Variants in SMARCA2 observed in about 807,000 individuals in gnomAD.
SMARCA2 encodes the protein SWI/SNF-related matrix-associated actin-dependent regulator of chromatin subfamily A member 2.
Under a neutral mutation model 199.8 loss-of-function variants are expected in SMARCA2, and 61 were observed. That is an observed-to-expected ratio of 0.31 (90% confidence interval 0.25 to 0.38). SMARCA2 has a LOEUF of 0.38. SMARCA2 is among the 10% of genes least tolerant of loss of function. The pLI, the probability that SMARCA2 is intolerant of heterozygous loss-of-function variation, is 1.00. For synonymous variants in SMARCA2, 935 were observed against 732.0 expected, an observed-to-expected ratio of 1.28 and a Z score of -4.48; for missense variants, 1,344 against 2,012.2, an observed-to-expected ratio of 0.67 and a Z score of 6.35.
intron 27 of SMARCA2, among the ~76,000 whole-genome samples, chr9:2,156,607 T>G (rs1380568198): frequency 6.6e-6 from 1 of 151,974 alleles, no homozygotes. Context: ...AATTTTGTAT[T>G]TTTAGTAGAG....
chr9:2,184,273 T>C (rs1353920368), intron 31 of SMARCA2, among the ~76,000 whole-genome samples: 1 of 152,150 alleles, frequency 6.6e-6, no homozygotes, highest in East Asian at 1.9e-4. Context: ...TCACATGCAG[T>C]TGTAAGATAC....
At chr9:2,113,588 T>C (rs1258298212) in intron 24 of SMARCA2, among the ~76,000 whole-genome samples, 1 of 152,226 alleles carries the variant, frequency 6.6e-6, no homozygotes, top group African/African-American at 2.4e-5. Flanking sequence ...TTCGTTAAAC[T>C]TCTCCAGTCT....
intron 12 of SMARCA2, among the ~76,000 whole-genome samples, chr9:2,073,960 A>G (rs775713847): frequency 6.6e-6 from 1 of 152,168 alleles, no homozygotes; most frequent in Non-Finnish European, 1.5e-5. Context: ...GCCATACCAT[A>G]CCTCTAAGTG....
chr9:2,017,740 G>T lies in SMARCA2; in HGVS notation c.-37+2336G>T, dbSNP rs1818423009. The stretch of plus-strand genomic sequence containing the variant: ...CTCGGAGACCGGTTCCCGTCCGCCG[G>T]CCGCGCCGCCACCCCAAGCTCCGCG... On this transcript the variant is annotated intron_variant, in intron 1 of 33. Transcript: ENST00000349721. This position sits in a 1 kb window ranked among gnomAD's most constrained non-coding sequence, Gnocchi z 8.8. 1 of 152,192 alleles carries T rather than the reference G, an allele frequency of 6.6e-6. No homozygotes were observed. The highest frequency in any genetic ancestry group is 1.5e-5 in the Non-Finnish European group (1 of 68,070). 9.4% of individuals were successfully genotyped at this position (152,192 alleles called of 1,614,324 possible).
At chr9:2,058,583 T>G (rs1216726194) in intron 8 of SMARCA2, 119 bp downstream of exon 8, 2 of 847,064 alleles carry the variant, frequency 2.4e-6, no homozygotes, top group Non-Finnish European at 3.7e-6. Flanking sequence ...AAAATTTTAG[T>G]AAATTTCTTT....
intron 4 of SMARCA2, chr9:2,040,109 A>G: frequency 9.7e-7 from 1 of 1,036,182 alleles, no homozygotes; most frequent in Non-Finnish European, 1.4e-6. Context: ...TTAACCTTAA[A>G]AGGTGGTTGT....
At chr9:2,172,761 C>T (rs1029024578) in intron 29 of SMARCA2, among the ~76,000 whole-genome samples, 2 of 152,174 alleles carry the variant, frequency 1.3e-5, no homozygotes, top group East Asian at 1.9e-4. Context: ...CGTGAGCGTG[C>T]AGGGACCAGT....
chr9:2,077,993 A>G (rs1821400921), intron 14 of SMARCA2, among the ~76,000 whole-genome samples: 1 of 151,942 alleles, frequency 6.6e-6, no homozygotes, highest in Admixed American at 6.5e-5. Flanking sequence ...TTTCTCTTTT[A>G]TGCTTTTGGG....
rs1586814464 is a variant in SMARCA2 at position 2,185,855 on chromosome 9, TCTC to T, written c.4462-236_4462-234del. ...AATATGAGGATATTTTATCTACTAT[TCTC>T]CTCCAAGCATCCATGCACTTTGAAA... On this transcript the variant is annotated intron_variant, in intron 31 of 33. Coordinates refer to ENST00000349721, the MANE Select transcript of SMARCA2 (RefSeq NM_003070.5). 2.0e-5 allele frequency among the ~76,000 whole-genome samples: 3 copies of T among 152,248 alleles called. 1 individual carries two copies. Among genetic ancestry groups the T allele is most frequent in the East Asian group, 3.8e-4 (2 of 5,196 alleles).
chr9:2,186,531 C>G (rs1021064175), intron 32 of SMARCA2, among the ~76,000 whole-genome samples: 2 of 152,132 alleles, frequency 1.3e-5, no homozygotes, highest in African/African-American at 4.8e-5. Context: ...CAGGGTCTCA[C>G]TCTGTCACCC....
At chr9:2,138,633 A>T (rs116382273) in intron 27 of SMARCA2, among the ~76,000 whole-genome samples, 161 of 152,330 alleles carry the variant, frequency 1.1e-3, no homozygotes, top group African/African-American at 3.7e-3. Context: ...CAGGTGTCAG[A>T]TGATCAGGGT....
At chr9:2,055,894 G>A (rs1046591183) in intron 6 of SMARCA2, among the ~76,000 whole-genome samples, 11 of 152,010 alleles carry the variant, frequency 7.2e-5, no homozygotes, top group African/African-American at 1.9e-4. Context: ...TTGCCATGAC[G>A]GACTCTTATT....
chr9:2,143,346 GA>G, intron 27 of SMARCA2, among the ~76,000 whole-genome samples: 1 of 152,220 alleles, frequency 6.6e-6, no homozygotes, highest in Non-Finnish European at 1.5e-5. Flanking sequence ...GGCTATGCAT[GA>G]CCAAAGAATC....
chr9:2,163,529 C>G (rs558856360), intron 28 of SMARCA2, among the ~76,000 whole-genome samples: 2 of 152,322 alleles, frequency 1.3e-5, no homozygotes, highest in South Asian at 4.1e-4. Flanking sequence ...CAGAAAGGGA[C>G]AGTATTCTAG....
chr9:2,117,765 C>T (rs1463916155), intron 25 of SMARCA2, among the ~76,000 whole-genome samples: 2 of 152,208 alleles, frequency 1.3e-5, no homozygotes, highest in East Asian at 1.9e-4. Flanking sequence ...TCCCAGTTGT[C>T]CTGCCATCAA....
chr9:2,151,928 T>A lies in SMARCA2; in HGVS notation c.3982-9758T>A, dbSNP rs1183786306. On this transcript the variant is annotated intron_variant, in intron 27 of 33. Transcript: ENST00000349721. Reference sequence around the variant, plus strand: ...AATGATTTTTAAAAATCCTGCTTAGTTTGACTAGTATTCAGGCCAAAGTGT... The same window carrying A: ...AATGATTTTTAAAAATCCTGCTTAGATTGACTAGTATTCAGGCCAAAGTGT... Among the ~76,000 whole-genome samples, 6 of 152,128 alleles carry A rather than the reference T, an allele frequency of 3.9e-5. No homozygotes were observed. The East Asian group carries it at 1.2e-3, about 29-fold the overall frequency.
chr9:2,108,812 C>T (rs989614826), intron 23 of SMARCA2, among the ~76,000 whole-genome samples: 3 of 152,186 alleles, frequency 2.0e-5, no homozygotes, highest in South Asian at 4.1e-4. Flanking sequence ...TTTGAAAGCT[C>T]ACTCATCAAA....
chr9:2,056,025 C>G lies in SMARCA2; in HGVS notation c.1174-647C>G, dbSNP rs1459456156. ...GGAATGATTATTTAATGTGTATTCT[C>G]CAGTCCCTACCCCCTACCACCACAT... On this transcript the variant is annotated intron_variant, in intron 6 of 33. Transcript: ENST00000349721. The surrounding 1 kb of genome is among the most constrained non-coding windows in gnomAD (Gnocchi z 4.0). Among the ~76,000 whole-genome samples the G allele has an allele frequency of 6.6e-6, 1 of 152,162 alleles. No homozygotes were observed. Among genetic ancestry groups the G allele is most frequent in the Non-Finnish European group, 1.5e-5 (1 of 68,032 alleles).
intron 27 of SMARCA2, among the ~76,000 whole-genome samples, chr9:2,141,792 A>T (rs1478483234): frequency 2.0e-5 from 3 of 152,090 alleles, no homozygotes; most frequent in Non-Finnish European, 1.5e-5. Context: ...GGACTATGGG[A>T]GTTTAGTGAA....
Sources: gnomAD v4.1 joint callset for allele counts (sites outside exome capture counted in the v4.1 genomes callset) on GRCh38, gnomAD v4.1.1 for gene constraint, Gnocchi (gnomAD v3.1) non-coding constraint, MANE v1.5 for transcripts, NCBI Gene and HGNC (gene_info 2026-07-23, HGNC 2026-07-21) for gene names.